The following HERC4 variants were observed in gnomAD, a reference collection of about 807,000 sequenced individuals.
HERC4 encodes probable E3 ubiquitin-protein ligase HERC4.
Under a neutral mutation model 124.3 loss-of-function variants are expected in HERC4, and 28 were observed. The observed-to-expected ratio is 0.23, with a 90% CI of 0.17 to 0.31. HERC4 has a LOEUF of 0.31. Among genes scored for constraint, HERC4 ranks in the 10% least tolerant of loss-of-function variants. The pLI is 1.00. For missense variants in HERC4, 713 were observed against 1,229.3 expected (o/e 0.58, Z 6.28); for synonymous variants, 407 against 421.5 (o/e 0.97, Z 0.42).
intron 8 of HERC4, among the ~76,000 whole-genome samples, chr10:68,024,003 A>G (rs1589355186): frequency 6.6e-6 from 1 of 152,196 alleles, no homozygotes; most frequent in East Asian, 1.9e-4. Context: ...TTGAAAGACA[A>G]CAGAATGAAA....
At chr10:67,924,507 T>C (rs752182682) in intron 24 of HERC4, among the ~76,000 whole-genome samples, 1 of 152,184 alleles carries the variant, frequency 6.6e-6, no homozygotes, top group Non-Finnish European at 1.5e-5. Context: ...AGTAGGTATT[T>C]GTGTATCTAA....
rs1325455044 is a variant in HERC4 at position 68,039,331 on chromosome 10, A to AAAG, written c.387-1163_387-1162insCTT. ...ACCCTGTCTCAAAAAAAAAAAAAAA[A>AAAG]AAAGAAAGAAAGAAAAGAAAAAACG... On this transcript the variant is annotated intron_variant, in intron 4 of 24. Coordinates refer to ENST00000373700, the MANE Select transcript of HERC4 (RefSeq NM_015601.4). The AAAG allele has an allele frequency of 2.7e-6, 4 of 1,454,958 alleles. No individual in the cohort carries two copies. The African/African-American group carries it at 4.4e-5, about 16-fold the overall frequency. 90.1% of individuals were successfully genotyped at this position (1,454,958 alleles called of 1,614,324 possible). A position where few individuals can be genotyped will look rare whatever the true frequency, so the allele number is the denominator to read the frequency against.
At chr10:67,960,265 C>T (rs535504913) in intron 16 of HERC4, among the ~76,000 whole-genome samples, 1 of 152,364 alleles carries the variant, frequency 6.6e-6, no homozygotes, top group Middle Eastern at 3.4e-3. Context: ...CATGACTCTA[C>T]ATGGAAAGGA....
intron 7 of HERC4, among the ~76,000 whole-genome samples, chr10:68,028,095 G>A (rs1293278109): frequency 6.6e-6 from 1 of 150,486 alleles, no homozygotes; most frequent in Non-Finnish European, 1.5e-5. Context: ...ATCAGGGAGT[G>A]TAAAATGGTG....
chr10:68,014,737 A>G (rs1358106632), intron 8 of HERC4, among the ~76,000 whole-genome samples: 1 of 152,216 alleles, frequency 6.6e-6, no homozygotes, highest in East Asian at 1.9e-4. Flanking sequence ...CTACAGTGAA[A>G]GCAAACCTAA....
chr10:67,941,470 GAAAACAAAGAA>G (rs2032884474), intron 19 of HERC4, among the ~76,000 whole-genome samples: 1 of 151,592 alleles, frequency 6.6e-6, no homozygotes, highest in South Asian at 2.1e-4. Flanking sequence ...TCGAAATTTG[GAAAACAAAGAA>G]AAAACATAGA....
Position 68,044,417 on chromosome 10 carries a change from T to TGCA in HERC4, c.370_372dup (p.Cys124dup). On this transcript the variant is annotated inframe_insertion, in exon 4 of 25. Coordinates refer to ENST00000373700, the MANE Select transcript of HERC4 (RefSeq NM_015601.4). The stretch of plus-strand genomic sequence containing the variant: ...CACCTTTGTTACCTGGGTACTCTGA[T>TGCA]GCATTCCTCTGATCCTACCAGGCCA... 6.2e-7 allele frequency: 1 copy of TGCA among 1,612,626 alleles called. No individual in the cohort carries two copies. Among genetic ancestry groups the TGCA allele is most frequent in the Non-Finnish European group, 8.5e-7 (1 of 1,179,630 alleles).
chr10:67,960,767 T>C (rs1021168610), intron 16 of HERC4: 1 of 224,864 alleles, frequency 4.4e-6, no homozygotes, highest in Non-Finnish European at 8.7e-6. Context: ...ACATCCCCAG[T>C]AGCCTTTCTA....
In HERC4 at chr10:67,937,370, T is replaced by C. The variant is rs193293549; in HGVS notation, c.2572-1135A>G. ...CAATAAAGAGCCACTGAAAAATCTC[T>C]GAGAAAGAAATGGCAGTGGGAAGAA... On this transcript the variant is annotated intron_variant, in intron 21 of 24. Coordinates refer to ENST00000373700, the MANE Select transcript of HERC4 (RefSeq NM_015601.4). 4.5e-3 allele frequency among the ~76,000 whole-genome samples: 679 copies of C among 152,306 alleles called. 4 individuals carry two copies. Among genetic ancestry groups the C allele is most frequent in the Non-Finnish European group, 7.3e-3 (496 of 68,024 alleles).
chr10:67,937,592 GT>G (rs568444104), intron 21 of HERC4, among the ~76,000 whole-genome samples: 1 of 150,092 alleles, frequency 6.7e-6, no homozygotes, highest in Non-Finnish European at 1.5e-5. Flanking sequence ...TTTTGTTTTT[GT>G]TTTTTTTAAT....
At chr10:67,954,563 A>T in intron 19 of HERC4, 32 bp downstream of exon 19, 1 of 1,597,624 alleles carries the variant, frequency 6.3e-7, no homozygotes, top group Non-Finnish European at 8.6e-7. Context: ...GGGTATATAC[A>T]CAGAAGTAAT....
At chr10:67,959,248 T>A (rs914134862) in intron 16 of HERC4, 4 of 894,742 alleles carry the variant, frequency 4.5e-6, no homozygotes, top group Admixed American at 5.2e-5. Flanking sequence ...CAGCAGAATA[T>A]TGAAGTAATG....
chr10:67,940,986 C>G lies in HERC4; in HGVS notation c.2457G>C (p.Lys819Asn). 6.2e-7 allele frequency: 1 copy of G among 1,611,314 alleles called. No individual in the cohort carries two copies. The highest frequency in any genetic ancestry group is 8.5e-7 in the Non-Finnish European group (1 of 1,179,330). Reference protein sequence around the residue: ...PLALYKKLLKKKPSLDDLKEL... With the variant: ...PLALYKKLLKNKPSLDDLKEL... Reference sequence around the variant, plus strand: ...CTTTCAAATCATCCAAGGATGGCTTCTTTTTCAGTAGTTTCTTATATAAAG... The same window carrying G: ...CTTTCAAATCATCCAAGGATGGCTTGTTTTTCAGTAGTTTCTTATATAAAG... Residue 819 changes from lysine (K) to asparagine (N), a missense_variant, in exon 20 of 25, where the codon AAG becomes AAC. Coordinates refer to ENST00000373700, the MANE Select transcript of HERC4 (RefSeq NM_015601.4).
At chr10:67,962,682 T>C (rs922871632) in intron 16 of HERC4, among the ~76,000 whole-genome samples, 2 of 152,158 alleles carry the variant, frequency 1.3e-5, no homozygotes, top group South Asian at 2.1e-4. Context: ...AAGAGTTTGG[T>C]AGTAACCAAT....
chr10:67,960,388 A>T (rs1348619851), intron 16 of HERC4, among the ~76,000 whole-genome samples: 1 of 151,948 alleles, frequency 6.6e-6, no homozygotes, highest in African/African-American at 2.4e-5. Flanking sequence ...TTAAAAGCCT[A>T]AAATTTTTTT....
chr10:68,031,327 C>A (rs1055327712), intron 7 of HERC4, among the ~76,000 whole-genome samples: 5 of 152,142 alleles, frequency 3.3e-5, no homozygotes, highest in African/African-American at 4.8e-5. Flanking sequence ...TGACACCACA[C>A]ATGATATTTT....
chr10:68,039,543 T>C, intron 4 of HERC4: 3 of 1,544,664 alleles, frequency 1.9e-6, no homozygotes, highest in Non-Finnish European at 2.6e-6. Context: ...GATTCCATAT[T>C]ATTGTATTAA....
intron 3 of HERC4, among the ~76,000 whole-genome samples, chr10:68,071,881 G>A (rs924451797): frequency 1.2e-4 from 19 of 152,178 alleles, no homozygotes; most frequent in African/African-American, 3.6e-4. Flanking sequence ...TACAGTATTT[G>A]CAAGTTAGAA....
chr10:67,962,649 C>A (rs1782964054), intron 16 of HERC4, among the ~76,000 whole-genome samples: 1 of 151,788 alleles, frequency 6.6e-6, no homozygotes, highest in South Asian at 2.1e-4. Flanking sequence ...CTAAAAGTAT[C>A]AGAAAGGGAA....
Sources: gnomAD v4.1 joint callset for allele counts (sites outside exome capture counted in the v4.1 genomes callset) on GRCh38, gnomAD v4.1.1 for gene constraint, MANE v1.5 for transcripts, NCBI Gene and HGNC (gene_info 2026-07-23, HGNC 2026-07-21) for gene names.